OSBPL1A: variants seen among roughly 807,000 people sequenced by gnomAD.
OSBPL1A encodes oxysterol-binding protein-related protein 1.
A neutral mutation model predicts 137.1 loss-of-function variants in OSBPL1A; 80 were observed. That is an observed-to-expected ratio of 0.58 (90% CI 0.49 to 0.70). OSBPL1A has a LOEUF of 0.70. OSBPL1A is among the 30% of genes least tolerant of loss of function. The pLI is 0.00. For missense variants in OSBPL1A, 970 were observed against 1,129.4 expected (o/e 0.86, Z 2.02); for synonymous variants, 365 against 389.7 (o/e 0.94, Z 0.75).
At chr18:24,312,185 C>T in intron 12 of OSBPL1A, 79 bp from the exon 13 acceptor site, 1 of 1,530,452 alleles carries the variant, frequency 6.5e-7, no homozygotes. Context: ...ATCTGATAAG[C>T]ATAAAATTTA....
At chr18:24,260,458 A>T (rs901309607) in intron 15 of OSBPL1A, among the ~76,000 whole-genome samples, 1 of 152,246 alleles carries the variant, frequency 6.6e-6, no homozygotes, top group Non-Finnish European at 1.5e-5. Context: ...TACATACCAT[A>T]CTTCTTAGCC....
At chr18:24,164,738 T>C (rs1014508542) in intron 27 of OSBPL1A, among the ~76,000 whole-genome samples, 10 of 152,182 alleles carry the variant, frequency 6.6e-5, no homozygotes, top group Admixed American at 5.9e-4. Context: ...AGAGATTTCT[T>C]AAAAAAACTT....
At chr18:24,369,228 G>A (rs1297605682) in intron 2 of OSBPL1A, among the ~76,000 whole-genome samples, 1 of 152,214 alleles carries the variant, frequency 6.6e-6, no homozygotes, top group Admixed American at 6.5e-5. Context: ...TTGCCAAGGT[G>A]AAAGAGAGGA....
chr18:24,252,737 G>A (rs1282935363), intron 15 of OSBPL1A, among the ~76,000 whole-genome samples: 2 of 152,028 alleles, frequency 1.3e-5, no homozygotes, highest in African/African-American at 2.4e-5. Flanking sequence ...GCTAAATGAT[G>A]AACTAATCAA....
In OSBPL1A at chr18:24,170,308, C is replaced by T. The variant is rs2086244108; in HGVS notation, c.2418+19G>A. On this transcript the variant is annotated intron_variant, in intron 24 of 27. Transcript: ENST00000319481. ...AAGAATCCAGTTATTCCTTCGATAC[C>T]ACCTTACAGGATGTTCACCTGTTTG... The T allele has an allele frequency of 1.9e-6, 3 of 1,613,510 alleles. No individual in the cohort carries two copies. Among genetic ancestry groups the T allele is most frequent in the African/African-American group, 1.3e-5 (1 of 74,826 alleles).
chr18:24,168,500 C>A (rs1053316032), intron 24 of OSBPL1A, among the ~76,000 whole-genome samples: 1 of 152,198 alleles, frequency 6.6e-6, no homozygotes, highest in African/African-American at 2.4e-5. Flanking sequence ...CGCGGCCCAG[C>A]TATGCTAGTG....
At position 24,178,275 on chromosome 18, in the gene OSBPL1A, C is replaced by T. The variant is rs554581013; in HGVS notation, c.1911-80G>A. On this transcript the variant is annotated intron_variant, in intron 20 of 27. Transcript: ENST00000319481. ...CTATCATTAAACATGTACATAATTGCCCTTTCAAAGTAAACAATTCTTTTG... is the reference window on the plus strand; with the variant it reads ...CTATCATTAAACATGTACATAATTGTCCTTTCAAAGTAAACAATTCTTTTG... 41 of 1,249,908 alleles carry T rather than the reference C, an allele frequency of 3.3e-5. No individual in the cohort carries two copies. In the East Asian group the frequency reaches 9.1e-4, roughly 28 times the overall value. 77.4% of individuals were successfully genotyped at this position (1,249,908 alleles called of 1,614,324 possible). A position where few individuals can be genotyped will look rare whatever the true frequency, so the allele number is the denominator to read the frequency against.
At chr18:24,227,943 G>A (rs2088139949) in intron 16 of OSBPL1A, among the ~76,000 whole-genome samples, 2 of 152,150 alleles carry the variant, frequency 1.3e-5, no homozygotes, top group African/African-American at 4.8e-5. Flanking sequence ...TGCAATTTAA[G>A]AGACATCAAT....
chr18:24,201,592 G>A (rs1436957355), intron 17 of OSBPL1A, among the ~76,000 whole-genome samples: 3 of 151,920 alleles, frequency 2.0e-5, no homozygotes, highest in African/African-American at 7.3e-5. Flanking sequence ...GTGAAACCCC[G>A]TCTCTACTAA....
intron 15 of OSBPL1A, among the ~76,000 whole-genome samples, chr18:24,269,556 T>C (rs1419777873): frequency 6.6e-6 from 1 of 152,072 alleles, no homozygotes; most frequent in South Asian, 2.1e-4. Flanking sequence ...ATTTATCAAA[T>C]GACTCAAAAA....
At chr18:24,173,415 ACTTTTT>A (rs955813304) in intron 21 of OSBPL1A, among the ~76,000 whole-genome samples, 1 of 152,138 alleles carries the variant, frequency 6.6e-6, no homozygotes, top group African/African-American at 2.4e-5. Flanking sequence ...GTTTTATTTT[ACTTTTT>A]ATTTTTTTTG....
intron 17 of OSBPL1A, among the ~76,000 whole-genome samples, chr18:24,209,477 G>C (rs1233940863): frequency 6.6e-6 from 1 of 152,152 alleles, no homozygotes; most frequent in African/African-American, 2.4e-5. Context: ...AAACAGTACA[G>C]TAACATCTTA....
At chr18:24,295,869 T>C (rs1346447710) in intron 14 of OSBPL1A, among the ~76,000 whole-genome samples, 6 of 151,200 alleles carry the variant, frequency 4.0e-5, no homozygotes, top group African/African-American at 9.7e-5. Context: ...TTTTTTTTTT[T>C]CTCCATAACA....
intron 2 of OSBPL1A, among the ~76,000 whole-genome samples, chr18:24,370,874 G>T (rs147566047): frequency 6.8e-4 from 104 of 152,166 alleles, no homozygotes; most frequent in African/African-American, 2.4e-3. Flanking sequence ...TTGCCATGTT[G>T]CCCAGGCTGG....
intron 4 of OSBPL1A, among the ~76,000 whole-genome samples, chr18:24,360,045 G>A (rs2091598379): frequency 6.6e-6 from 1 of 152,166 alleles, no homozygotes; most frequent in South Asian, 2.1e-4. Context: ...TCGGCTCACT[G>A]CAACCTCCGC....
intron 15 of OSBPL1A, among the ~76,000 whole-genome samples, chr18:24,258,925 CTTT>C (rs543867145): frequency 3.6e-3 from 332 of 92,728 alleles, no homozygotes; most frequent in African/African-American, 0.013. Context: ...AAAATTACAT[CTTT>C]TTTTTTTTTT....
At chr18:24,331,587 G>A (rs904289168) in intron 7 of OSBPL1A, among the ~76,000 whole-genome samples, 7 of 150,900 alleles carry the variant, frequency 4.6e-5, no homozygotes, top group East Asian at 2.0e-4. Context: ...TAGTAGAGAC[G>A]GGGTTTCACC....
intron 17 of OSBPL1A, among the ~76,000 whole-genome samples, chr18:24,200,561 CAAAAAA>C (rs893025554): frequency 1.4e-5 from 1 of 70,464 alleles, no homozygotes. Context: ...GACTCCGTGT[CAAAAAA>C]AAAAAAAAAA....
At chr18:24,172,915 T>C (rs1484630856) in intron 21 of OSBPL1A, among the ~76,000 whole-genome samples, 2 of 152,168 alleles carry the variant, frequency 1.3e-5, no homozygotes, top group African/African-American at 2.4e-5. Context: ...TCCAGAGGAA[T>C]AGAAATCATT....
Sources: gnomAD v4.1 joint callset for allele counts (sites outside exome capture counted in the v4.1 genomes callset) on GRCh38, gnomAD v4.1.1 for gene constraint, MANE v1.5 for transcripts, NCBI Gene and HGNC (gene_info 2026-07-23, HGNC 2026-07-21) for gene names.